PLD1: variants seen among roughly 807,000 people sequenced by gnomAD.
PLD1 encodes choline phosphatase 1.
PLD1 carries 112 observed loss-of-function variants against 137.1 expected under a neutral mutation model. The ratio of observed to expected loss-of-function variants is 0.82; its 90% confidence interval spans 0.70 to 0.96. PLD1 has a LOEUF of 0.96. PLD1 is among the 40% of genes least tolerant of loss of function. PLD1 has a pLI of 0.00. For missense variants in PLD1, 1,321 were observed against 1,342.0 expected, an observed-to-expected ratio of 0.98 and a Z score of 0.24; for synonymous variants, 431 against 454.7, an observed-to-expected ratio of 0.95 and a Z score of 0.66.
At chr3:171,709,087 C>G (rs553280142) in intron 10 of PLD1, among the ~76,000 whole-genome samples, 30 of 152,336 alleles carry the variant, frequency 2.0e-4, no homozygotes, top group African/African-American at 7.2e-4. Flanking sequence ...TGAGCCTCAT[C>G]ATCATAAGGA....
intron 11 of PLD1, among the ~76,000 whole-genome samples, chr3:171,707,927 A>T (rs2108560599): frequency 6.6e-6 from 1 of 152,338 alleles, no homozygotes; most frequent in South Asian, 2.1e-4. Context: ...CAAAACCTAG[A>T]ATTAGAAGGG....
In PLD1 at chr3:171,649,649, G is replaced by T. The variant is rs918648257; in HGVS notation, c.2430-4626C>A. On this transcript the variant is annotated intron_variant, in intron 21 of 26. Coordinates refer to ENST00000351298, the MANE Select transcript of PLD1 (RefSeq NM_002662.5). ...ATCTTAAAAGCAATCTTGCTTTTGG[G>T]GCTAGTGGGCACTAAGCCCCGGATA... Among the ~76,000 whole-genome samples the T allele has an allele frequency of 2.0e-5, 3 of 152,260 alleles. No individual in the cohort carries two copies. The South Asian group carries it at 6.2e-4, about 32-fold the overall frequency.
intron 7 of PLD1, among the ~76,000 whole-genome samples, chr3:171,725,192 T>C (rs1195296369): frequency 6.6e-6 from 1 of 151,966 alleles, no homozygotes; most frequent in Non-Finnish European, 1.5e-5. Context: ...GTATAATAAA[T>C]ATATATAAAT....
chr3:171,618,863 G>A (rs1733352295), intron 24 of PLD1, among the ~76,000 whole-genome samples: 1 of 151,774 alleles, frequency 6.6e-6, no homozygotes, highest in Non-Finnish European at 1.5e-5. Context: ...GTGTGCGTGT[G>A]TGTGTGTGTG....
chr3:171,692,613 C>T (rs938367372), intron 12 of PLD1, among the ~76,000 whole-genome samples, 171 bp from the exon 13 acceptor site: 1 of 152,008 alleles, frequency 6.6e-6, no homozygotes, highest in Non-Finnish European at 1.5e-5. Flanking sequence ...CTCCACCTCT[C>T]GGGTTCAAGC....
At chr3:171,714,173 G>T (rs1560243946) in intron 8 of PLD1, 128 bp from the exon 9 acceptor site, 1 of 576,404 alleles carries the variant, frequency 1.7e-6, no homozygotes, top group Non-Finnish European at 3.0e-6. Flanking sequence ...TTCTACACAG[G>T]AGATTTATTT....
At chr3:171,715,397 T>C (rs760777871) in intron 8 of PLD1, among the ~76,000 whole-genome samples, 1 of 152,198 alleles carries the variant, frequency 6.6e-6, no homozygotes, top group Non-Finnish European at 1.5e-5. Context: ...GTAATGCCTC[T>C]AGCTTTGGTT....
At chr3:171,772,526 A>G (rs1722414039) in intron 1 of PLD1, among the ~76,000 whole-genome samples, 1 of 152,196 alleles carries the variant, frequency 6.6e-6, no homozygotes, top group Non-Finnish European at 1.5e-5. Flanking sequence ...GTCAGGGCTC[A>G]AGAGGATCTC....
intron 21 of PLD1, chr3:171,654,109 TG>T: frequency 2.8e-6 from 1 of 360,272 alleles, no homozygotes; most frequent in Non-Finnish European, 5.4e-6. Flanking sequence ...AAAGCTAGCC[TG>T]GCCGACATGG....
intron 16 of PLD1, among the ~76,000 whole-genome samples, chr3:171,681,926 C>T (rs1388577746): frequency 6.6e-6 from 1 of 151,964 alleles, no homozygotes; most frequent in Non-Finnish European, 1.5e-5. Context: ...CCTCACTTAC[C>T]TATTTAATAT....
intron 6 of PLD1, among the ~76,000 whole-genome samples, chr3:171,731,101 A>G (rs1718906038): frequency 6.6e-6 from 1 of 152,236 alleles, no homozygotes. Context: ...AGAGATTAAG[A>G]ACATATCCTA....
In PLD1 at chr3:171,675,740, T is replaced by A. The variant is rs372295985; in HGVS notation, c.2115+975A>T. On this transcript the variant is annotated intron_variant, in intron 18 of 26. Transcript: ENST00000351298. ...ATGAAAAACAAAGTTAGACTCTAAG[T>A]GGTTGATAAAACTAAATTCTTTTTC... Among the ~76,000 whole-genome samples, 32 of 152,320 alleles carry A rather than the reference T, an allele frequency of 2.1e-4. 1 individual carries two copies. In the East Asian group the frequency reaches 5.6e-3, roughly 27 times the overall value.
chr3:171,691,663 GAATA>G (rs1715167570), intron 13 of PLD1, among the ~76,000 whole-genome samples: 1 of 152,052 alleles, frequency 6.6e-6, no homozygotes, highest in Non-Finnish European at 1.5e-5. Context: ...TTTGGTGAAT[GAATA>G]AATAATATAT....
rs564338617 is a variant in PLD1 at position 171,720,455 on chromosome 3, G to T, written c.758+4241C>A. On this transcript the variant is annotated intron_variant, in intron 8 of 26. Coordinates refer to ENST00000351298, the MANE Select transcript of PLD1 (RefSeq NM_002662.5). ...AAATTAGCCGGGCGTCATGCCGGGCGCCTGTAGTCCCAGCTACTCGGAGAG... is the reference window on the plus strand; with the variant it reads ...AAATTAGCCGGGCGTCATGCCGGGCTCCTGTAGTCCCAGCTACTCGGAGAG... 8.5e-4 allele frequency among the ~76,000 whole-genome samples: 129 copies of T among 151,990 alleles called. 1 individual carries two copies. Among genetic ancestry groups the T allele is most frequent in the African/African-American group, 3.1e-3 (127 of 41,434 alleles).
At chr3:171,799,127 T>C (rs1212797998) in intron 1 of PLD1, among the ~76,000 whole-genome samples, 2 of 151,780 alleles carry the variant, frequency 1.3e-5, no homozygotes, top group African/African-American at 4.8e-5. Flanking sequence ...GATCACAAGG[T>C]CAGGAGTTCA....
intron 1 of PLD1, among the ~76,000 whole-genome samples, chr3:171,740,504 CTT>C (rs1367520294): frequency 6.6e-6 from 1 of 152,148 alleles, no homozygotes; most frequent in Non-Finnish European, 1.5e-5. Context: ...ATTAAACAGA[CTT>C]ATTAACTTTG....
chr3:171,666,883 G>T (rs1712205446), intron 19 of PLD1, among the ~76,000 whole-genome samples: 1 of 152,244 alleles, frequency 6.6e-6, no homozygotes. Flanking sequence ...TTTTCTTCGT[G>T]CTACGTCTTA....
At chr3:171,753,414 C>A (rs1178575978) in intron 1 of PLD1, among the ~76,000 whole-genome samples, 1 of 152,084 alleles carries the variant, frequency 6.6e-6, no homozygotes, top group Non-Finnish European at 1.5e-5. Flanking sequence ...GACTGATAAG[C>A]CACCTTGCTT....
chr3:171,770,888 C>CAAAAAAAAAAAAAAAAAAAAAAAA (rs34683994), intron 1 of PLD1, among the ~76,000 whole-genome samples: 6 of 40,876 alleles, frequency 1.5e-4, no homozygotes, highest in African/African-American at 4.8e-4. Flanking sequence ...AACCCTATCT[C>CAAAAAAAAAAAAAAAAAAAAAAAA]AAAAAAAAAA....
Sources: allele counts gnomAD v4.1 joint callset (sites outside exome capture counted in the v4.1 genomes callset), GRCh38; gene constraint gnomAD v4.1.1; transcripts MANE v1.5; gene names NCBI Gene and HGNC (gene_info 2026-07-23, HGNC 2026-07-21).